Variants in LHCGR observed in about 807,000 individuals in gnomAD.
LHCGR encodes lutropin-choriogonadotropic hormone receptor.
Under a neutral mutation model 60.7 loss-of-function variants are expected in LHCGR, and 55 were observed. The observed-to-expected ratio is 0.91, with a 90% CI of 0.73 to 1.13. LHCGR has a LOEUF of 1.13. LHCGR is among the 50% of genes most tolerant of loss of function. The probability of loss-of-function intolerance (pLI) is 0.00; values close to 1 mark genes in which losing one functional copy is unlikely to be tolerated. For synonymous variants in LHCGR, 337 were observed against 316.5 expected (o/e 1.06, Z -0.69); for missense variants, 862 against 836.0 (o/e 1.03, Z -0.38).
At chr2:48,689,108 CATATATACAT>C (rs1421143534) in intron 10 of LHCGR, among the ~76,000 whole-genome samples, 20 of 150,740 alleles carry the variant, frequency 1.3e-4, no homozygotes, top group Admixed American at 4.6e-4. Context: ...CATATATACA[CATATATACAT>C]ATATACACAT....
intron 1 of LHCGR, among the ~76,000 whole-genome samples, chr2:48,742,986 T>C (rs1351426223): frequency 6.6e-6 from 1 of 151,864 alleles, no homozygotes; most frequent in Middle Eastern, 3.2e-3. Context: ...ATCCAATAGA[T>C]GCAATAAAAA....
Position 48,755,611 on chromosome 2 carries a change from GCGGCGGCTGCAGCAGCAGCAGCAGCTT to G in LHCGR, c.34_60del (p.Lys12_Pro20del), listed in dbSNP as rs1253659211. ...AGCGCCTCGCGCAGCGCTCGTGGCA[GCGGCGGCTGCAGCAGCAGCAGCAGCTT>G]CAGCAGCTGCAGCGCCGAGAACCGC... On this transcript the variant is annotated inframe_deletion, in exon 1 of 11. Coordinates refer to ENST00000294954, the MANE Select transcript of LHCGR (RefSeq NM_000233.4). The G allele has an allele frequency of 8.5e-6, 13 of 1,531,344 alleles. No homozygotes were observed. Among genetic ancestry groups the G allele is most frequent in the Non-Finnish European group, 1.1e-5 (13 of 1,142,680 alleles). The allele number at this position is 1,531,344 out of a possible 1,614,324, so 94.9% of individuals were successfully genotyped here.
chr2:48,695,411 A>T (rs1287114257), intron 9 of LHCGR, among the ~76,000 whole-genome samples: 1 of 152,122 alleles, frequency 6.6e-6, no homozygotes, highest in East Asian at 1.9e-4. Flanking sequence ...TTCATTTAGG[A>T]CTTTTACAGT....
At chr2:48,728,022 T>C (rs1221681536) in intron 3 of LHCGR, among the ~76,000 whole-genome samples, 2 of 152,154 alleles carry the variant, frequency 1.3e-5, no homozygotes, top group Non-Finnish European at 2.9e-5. Flanking sequence ...GCATGCCACA[T>C]GTGGCCCAGG....
At chr2:48,722,547 G>A (rs1458586334) in intron 6 of LHCGR, among the ~76,000 whole-genome samples, 1 of 152,138 alleles carries the variant, frequency 6.6e-6, no homozygotes. Flanking sequence ...TTGTGATAGA[G>A]TTCTCATGAG....
chr2:48,752,716 T>G (rs1446026967), intron 1 of LHCGR, among the ~76,000 whole-genome samples: 2 of 152,048 alleles, frequency 1.3e-5, no homozygotes, highest in Admixed American at 1.3e-4. Flanking sequence ...ACCTCAGGAC[T>G]CAAAACTTCT....
chr2:48,702,359 A>T (rs895542787), intron 8 of LHCGR, among the ~76,000 whole-genome samples: 7 of 151,348 alleles, frequency 4.6e-5, no homozygotes, highest in Non-Finnish European at 8.8e-5. Flanking sequence ...GGTTTGCTGC[A>T]CCCATCAACT....
chr2:48,727,093 T>C (rs1476335647), intron 3 of LHCGR, among the ~76,000 whole-genome samples: 2 of 152,088 alleles, frequency 1.3e-5, no homozygotes, highest in African/African-American at 2.4e-5. Flanking sequence ...ATAGGCCATA[T>C]AGAGCCTTAT....
chr2:48,737,943 T>C (rs1490402939), intron 1 of LHCGR, among the ~76,000 whole-genome samples: 2 of 152,244 alleles, frequency 1.3e-5, no homozygotes, highest in African/African-American at 4.8e-5. Flanking sequence ...GAGGCAGATC[T>C]GGACTAAAGC....
chr2:48,731,098 A>G, intron 2 of LHCGR, 129 bp downstream of exon 2: 2 of 645,836 alleles, frequency 3.1e-6, no homozygotes, highest in South Asian at 3.6e-5. Flanking sequence ...TTACAAAGAT[A>G]AAAATATGTG....
In LHCGR at chr2:48,725,711, G is replaced by A. The variant is rs746963214; in HGVS notation, c.348C>T (p.Pro116=). Residue 116 remains proline (P), a synonymous_variant, in exon 4 of 11, where the codon CCC becomes CCT. Transcript: ENST00000294954. ...QNTKNLRYIE[P]GAFINLPRLK... is the part of the protein sequence containing the mutation. The stretch of plus-strand genomic sequence containing the variant: ...ATCGGGGAAGATTTATAAATGCTCC[G>A]GGCTCAATGTATCTCAGATTTTTGG... 26 of 1,613,468 alleles carry A rather than the reference G, an allele frequency of 1.6e-5. No individual in the cohort carries two copies. The highest frequency in any genetic ancestry group is 9.3e-5 in the African/African-American group (7 of 74,966).
chr2:48,699,291 G>GCC (rs1212570149), intron 8 of LHCGR, among the ~76,000 whole-genome samples: 10 of 151,814 alleles, frequency 6.6e-5, no homozygotes, highest in Admixed American at 6.6e-4. Flanking sequence ...TCTCATGTGC[G>GCC]CCTCATTATT....
chr2:48,725,547 C>G, intron 4 of LHCGR, 129 bp downstream of exon 4: 2 of 730,406 alleles, frequency 2.7e-6, no homozygotes, highest in Admixed American at 2.0e-5. Flanking sequence ...AATCAGAAGG[C>G]TGAAGAGGAA....
chr2:48,689,591 T>C (rs1680105668), intron 10 of LHCGR, among the ~76,000 whole-genome samples: 1 of 152,222 alleles, frequency 6.6e-6, no homozygotes, highest in Non-Finnish European at 1.5e-5. Flanking sequence ...CATTGCTCTT[T>C]AGGGGTATGA....
chr2:48,747,868 C>T (rs184989625), intron 1 of LHCGR, among the ~76,000 whole-genome samples: 3 of 152,212 alleles, frequency 2.0e-5, no homozygotes, highest in Admixed American at 6.5e-5. Context: ...TGAAGTAATC[C>T]ACTATTCTAT....
intron 8 of LHCGR, among the ~76,000 whole-genome samples, chr2:48,701,151 TAGAC>T (rs1457823209): frequency 6.6e-6 from 1 of 151,998 alleles, no homozygotes; most frequent in African/African-American, 2.4e-5. Flanking sequence ...AGCTAGGAAG[TAGAC>T]AGACTTTGGG....
At chr2:48,706,685 A>G (rs1372181274) in intron 8 of LHCGR, among the ~76,000 whole-genome samples, 1 of 152,094 alleles carries the variant, frequency 6.6e-6, no homozygotes, top group Non-Finnish European at 1.5e-5. Context: ...CTAATTGGCT[A>G]TTGAAGCTTG....
At chr2:48,696,396 G>T (rs7563231) in intron 9 of LHCGR, among the ~76,000 whole-genome samples, 6,658 of 152,272 alleles carry the variant, frequency 0.044, 493 homozygotes, top group African/African-American at 0.15. Flanking sequence ...GCAGTAGGGT[G>T]CAAGGCCGCA....
chr2:48,727,201 G>A (rs1396608472), intron 3 of LHCGR, among the ~76,000 whole-genome samples: 1 of 151,978 alleles, frequency 6.6e-6, no homozygotes, highest in Non-Finnish European at 1.5e-5. Context: ...GGAGGTGGGA[G>A]GATCACTTGA....
Sources: gnomAD v4.1 joint callset for allele counts (sites outside exome capture counted in the v4.1 genomes callset) on GRCh38, gnomAD v4.1.1 for gene constraint, MANE v1.5 for transcripts, NCBI Gene and HGNC (gene_info 2026-07-23, HGNC 2026-07-21) for gene names.